The following SHISA9 variants were observed in gnomAD, a reference collection of about 807,000 sequenced individuals.
SHISA9 encodes the protein shisa family member 9.
In SHISA9, 13 loss-of-function variants were observed where a neutral mutation model predicts 38.0. That is an observed-to-expected ratio of 0.34 (90% CI 0.22 to 0.54). The LOEUF (loss-of-function observed/expected upper bound fraction) is 0.54. Ranked by LOEUF, SHISA9 falls within the 20% of genes least tolerant of loss-of-function variation. The pLI is 0.91. For missense variants in SHISA9, 538 were observed against 575.8 expected (o/e 0.93, Z 0.67); for synonymous variants, 275 against 242.0 (o/e 1.14, Z -1.27).
the SHISA9 span, among the ~76,000 whole-genome samples, chr16:13,299,080 GCCAGTGACCT>G: frequency 6.6e-6 from 1 of 152,196 alleles, no homozygotes; most frequent in Admixed American, 6.5e-5. Context: ...CCCAAGGGCA[GCCAGTGACCT>G]CCAGCTCATC....
At chr16:13,505,948 C>G in the SHISA9 span, among the ~76,000 whole-genome samples, 1 of 152,178 alleles carries the variant, frequency 6.6e-6, no homozygotes, top group African/African-American at 2.4e-5. Flanking sequence ...CCCATTGGCC[C>G]ACTGGAGAAC....
At chr16:13,518,891 TAA>T in the SHISA9 span, among the ~76,000 whole-genome samples, 1 of 151,714 alleles carries the variant, frequency 6.6e-6, no homozygotes. Context: ...GGTGGAAGGG[TAA>T]GAGAGGATAA....
chr16:13,171,398 C>T (rs980013733), intron 2 of SHISA9, among the ~76,000 whole-genome samples: 4 of 150,566 alleles, frequency 2.7e-5, no homozygotes, highest in African/African-American at 7.3e-5. Flanking sequence ...CAGAGACTGG[C>T]GTGAAGTTGC....
chr16:13,026,850 C>T (rs1389312202), intron 2 of SHISA9, among the ~76,000 whole-genome samples: 1 of 152,130 alleles, frequency 6.6e-6, no homozygotes, highest in African/African-American at 2.4e-5. Context: ...AGTATTATTT[C>T]CATTTTATAG....
chr16:12,955,097 C>G (rs1365325697), intron 2 of SHISA9, among the ~76,000 whole-genome samples: 1 of 151,726 alleles, frequency 6.6e-6, no homozygotes, highest in Non-Finnish European at 1.5e-5. Flanking sequence ...CCATTGATTT[C>G]TCCCTGAGAG....
intron 2 of SHISA9, among the ~76,000 whole-genome samples, chr16:12,945,298 G>T (rs1270403623): frequency 6.6e-6 from 1 of 152,114 alleles, no homozygotes; most frequent in Non-Finnish European, 1.5e-5. Context: ...CAGCACATAC[G>T]GCAGCCCCTC....
intron 2 of SHISA9, among the ~76,000 whole-genome samples, chr16:12,936,488 A>G (rs1277130525): frequency 6.6e-6 from 1 of 152,186 alleles, no homozygotes; most frequent in Non-Finnish European, 1.5e-5. Flanking sequence ...GAAGAAAGAG[A>G]GAGAGTGTAA....
chr16:13,156,578 CAA>C (rs1410961436), intron 2 of SHISA9, among the ~76,000 whole-genome samples: 1 of 151,774 alleles, frequency 6.6e-6, no homozygotes, highest in African/African-American at 2.4e-5. Flanking sequence ...ACTAACAATA[CAA>C]AAAATTAGGC....
chr16:13,092,722 C>G (rs1045075956), intron 2 of SHISA9, among the ~76,000 whole-genome samples: 2 of 152,224 alleles, frequency 1.3e-5, no homozygotes, highest in South Asian at 2.1e-4. Context: ...TCCAGGTAGT[C>G]TGTTGTGGCT....
the SHISA9 span, among the ~76,000 whole-genome samples, chr16:13,311,620 G>A: frequency 5.3e-5 from 8 of 152,120 alleles, no homozygotes; most frequent in African/African-American, 1.7e-4. Flanking sequence ...ACTACAGAGG[G>A]TGATTGTGAG....
At chr16:12,978,789 A>T (rs1200446050) in intron 2 of SHISA9, among the ~76,000 whole-genome samples, 1 of 152,220 alleles carries the variant, frequency 6.6e-6, no homozygotes, top group South Asian at 2.1e-4. Context: ...TTCCTTAAAA[A>T]TATATGGATT....
chr16:13,130,379 A>C (rs796641142), intron 2 of SHISA9, among the ~76,000 whole-genome samples: 44 of 151,890 alleles, frequency 2.9e-4, no homozygotes, highest in African/African-American at 1.1e-3. Context: ...TTGGATTCAA[A>C]CTCAGGTGTG....
At chr16:13,420,727 C>G in the SHISA9 span, among the ~76,000 whole-genome samples, 1 of 152,144 alleles carries the variant, frequency 6.6e-6, no homozygotes, top group Non-Finnish European at 1.5e-5. Context: ...AATTGGAGGG[C>G]TGACTGGGAG....
In SHISA9 at chr16:13,148,332, C is replaced by A. The variant is rs140426479; in HGVS notation, c.692-55062C>A. Reference sequence around the variant, plus strand: ...AGATGCAATGCCTTGGGTTCACACACTCTTTACACACCCCTGCAAACACAT... The same window carrying A: ...AGATGCAATGCCTTGGGTTCACACAATCTTTACACACCCCTGCAAACACAT... On this transcript the variant is annotated intron_variant, in intron 2 of 4. Transcript: ENST00000558583. Among the ~76,000 whole-genome samples, 677 of 152,246 alleles carry A rather than the reference C, an allele frequency of 4.4e-3. 4 individuals carry two copies. Among genetic ancestry groups the A allele is most frequent in the African/African-American group, 0.016 (645 of 41,538 alleles).
At chr16:13,376,848 C>T in the SHISA9 span, among the ~76,000 whole-genome samples, 1 of 152,054 alleles carries the variant, frequency 6.6e-6, no homozygotes, top group African/African-American at 2.4e-5. Context: ...CCACTATGCC[C>T]AGCTAATTTT....
At chr16:13,169,973 C>G (rs960078982) in intron 2 of SHISA9, among the ~76,000 whole-genome samples, 11 of 152,082 alleles carry the variant, frequency 7.2e-5, no homozygotes, top group African/African-American at 2.2e-4. Context: ...GAGGCCGAGG[C>G]AAGTGGATCA....
chr16:12,992,129 A>G (rs1392848060), intron 2 of SHISA9, among the ~76,000 whole-genome samples: 3 of 152,166 alleles, frequency 2.0e-5, no homozygotes, highest in Non-Finnish European at 4.4e-5. Flanking sequence ...TTGTAGGATA[A>G]TGATAAATTT....
At chr16:13,468,706 A>C in the SHISA9 span, among the ~76,000 whole-genome samples, 2 of 152,188 alleles carry the variant, frequency 1.3e-5, no homozygotes, top group African/African-American at 4.8e-5. Context: ...GTCCAGGTGT[A>C]TGACTCACAT....
chr16:13,182,454 A>G (rs1364879845), intron 2 of SHISA9, among the ~76,000 whole-genome samples: 2 of 152,212 alleles, frequency 1.3e-5, no homozygotes, highest in Non-Finnish European at 2.9e-5. Context: ...TGTATCCACT[A>G]ATGATGATGG....
Sources: gnomAD v4.1 joint callset for allele counts (sites outside exome capture counted in the v4.1 genomes callset) on GRCh38, gnomAD v4.1.1 for gene constraint, MANE v1.5 for transcripts, NCBI Gene and HGNC (gene_info 2026-07-23, HGNC 2026-07-21) for gene names.